Variants in CCDC85C observed in about 807,000 individuals in gnomAD.
CCDC85C encodes the protein coiled-coil domain-containing protein 85C.
A neutral mutation model predicts 38.3 loss-of-function variants in CCDC85C; 18 were observed. That is an observed-to-expected ratio of 0.47 (90% confidence interval 0.33 to 0.70). The LOEUF (loss-of-function observed/expected upper bound fraction) is 0.70, where lower values mean the gene tolerates loss of function less well. Among genes scored for constraint, CCDC85C ranks in the 30% least tolerant of loss-of-function variants. The pLI, the probability that CCDC85C is intolerant of heterozygous loss-of-function variation, is 0.03. For missense variants in CCDC85C, 566 were observed against 621.2 expected (o/e 0.91, Z 0.94); for synonymous variants, 264 against 293.8 (o/e 0.90, Z 1.04).
chr14:99,516,141 C>G lies in CCDC85C; in HGVS notation c.1170+47G>C, dbSNP rs535736730. The G allele has an allele frequency of 2.0e-4, 282 of 1,422,418 alleles. 1 individual carries two copies. The African/African-American group carries it at 3.6e-3, about 18-fold the overall frequency. The allele number at this position is 1,422,418 out of a possible 1,614,324, so 88.1% of individuals were successfully genotyped here. The stretch of plus-strand genomic sequence containing the variant: ...TATGGCCATGCTGGGTGGCCCTGGT[C>G]GCACTCCCAGTGCCAAGCCTCTGCC... On this transcript the variant is annotated intron_variant, in intron 5 of 5. Transcript: ENST00000380243. This position sits in a 1 kb window ranked among gnomAD's most constrained non-coding sequence, Gnocchi z 5.5.
Position 99,502,046 on chromosome 14 carries a change from C to A in CCDC85C, c.*13200G>T. The A allele has an allele frequency of 1.4e-6, 1 of 738,684 alleles. No homozygotes were observed. Among genetic ancestry groups the A allele is most frequent in the Non-Finnish European group, 2.0e-6 (1 of 505,630 alleles). 45.8% of individuals were successfully genotyped at this position (738,684 alleles called of 1,614,324 possible). A position where few individuals can be genotyped will look rare whatever the true frequency, so the allele number is the denominator to read the frequency against. On this transcript the variant is annotated 3_prime_UTR_variant, in exon 6 of 6. Transcript: ENST00000380243. ...ATGGTTAAAGTAACTTAGTCGGGTA[C>A]CTTTAGAAGAGTAAAGACTTGAGTT...
chr14:99,562,824 C>T (rs1898143423), intron 1 of CCDC85C, among the ~76,000 whole-genome samples: 1 of 152,106 alleles, frequency 6.6e-6, no homozygotes, highest in Non-Finnish European at 1.5e-5. Context: ...GAAACATCCA[C>T]ACACAAGTGC....
At position 99,525,072 on chromosome 14, in the gene CCDC85C, T is replaced by C. The variant is rs185071015; in HGVS notation, c.868-2832A>G. 1.8e-3 allele frequency among the ~76,000 whole-genome samples: 276 copies of C among 152,300 alleles called. 1 individual carries two copies. The highest frequency in any genetic ancestry group is 6.5e-3 in the African/African-American group (270 of 41,564). On this transcript the variant is annotated intron_variant, in intron 2 of 5. Coordinates refer to ENST00000380243, the MANE Select transcript of CCDC85C (RefSeq NM_001144995.2). ...TAGAGCCTCCAGAGGGCAGCATGAG[T>C]GTCCTGGACTAGGGAGGAAGAGACC...
At chr14:99,547,861 T>C (rs570871778) in intron 1 of CCDC85C, among the ~76,000 whole-genome samples, 27 of 151,816 alleles carry the variant, frequency 1.8e-4, no homozygotes, top group Non-Finnish European at 3.1e-4. Flanking sequence ...CATATATATA[T>C]ACACACACAT....
At chr14:99,534,903 ATGG>A in intron 2 of CCDC85C, 1 of 565,398 alleles carries the variant, frequency 1.8e-6, no homozygotes, top group Non-Finnish European at 3.2e-6. Flanking sequence ...TTGCGCCTGT[ATGG>A]TGGTGGGGAG....
chr14:99,556,642 G>A (rs1898016126), intron 1 of CCDC85C, among the ~76,000 whole-genome samples: 1 of 152,048 alleles, frequency 6.6e-6, no homozygotes, highest in South Asian at 2.1e-4. Context: ...TCCCACCTCA[G>A]CCTCTCAAAG....
At position 99,507,044 on chromosome 14, in the gene CCDC85C, G is replaced by A; in HGVS notation, c.*8202C>T. The A allele has an allele frequency of 7.9e-7, 1 of 1,264,386 alleles. No homozygotes were observed. Among genetic ancestry groups the A allele is most frequent in the Non-Finnish European group, 1.2e-6 (1 of 860,750 alleles). The allele number at this position is 1,264,386 out of a possible 1,614,324, so 78.3% of individuals were successfully genotyped here. ...CATGCTTATTCATGTGAAGAAGTAT[G>A]AGTGGTTTTCTAATCTGCTTTTTCT... On this transcript the variant is annotated 3_prime_UTR_variant, in exon 6 of 6. Coordinates refer to ENST00000380243, the MANE Select transcript of CCDC85C (RefSeq NM_001144995.2).
intron 1 of CCDC85C, among the ~76,000 whole-genome samples, chr14:99,592,398 T>C (rs1401167728): frequency 1.3e-5 from 2 of 152,134 alleles, no homozygotes; most frequent in Non-Finnish European, 2.9e-5. Context: ...TCTGGACACC[T>C]GAGCCTCAAG....
At chr14:99,592,458 G>GT (rs2055098069) in intron 1 of CCDC85C, among the ~76,000 whole-genome samples, 1 of 152,228 alleles carries the variant, frequency 6.6e-6, no homozygotes, top group African/African-American at 2.4e-5. Context: ...CCAGGGCGAT[G>GT]TTTTCCCTCT....
At chr14:99,571,192 G>C (rs1898334302) in intron 1 of CCDC85C, among the ~76,000 whole-genome samples, 1 of 152,126 alleles carries the variant, frequency 6.6e-6, no homozygotes, top group South Asian at 2.1e-4. Context: ...CAGGGATCAT[G>C]GGGGAGGGGC....
chr14:99,573,570 C>T (rs2139965706), intron 1 of CCDC85C, among the ~76,000 whole-genome samples: 1 of 152,214 alleles, frequency 6.6e-6, no homozygotes, highest in East Asian at 1.9e-4. Flanking sequence ...CAGGCAGTCA[C>T]CAGTGAGGCA....
At chr14:99,543,821 C>A (rs1897757387) in intron 1 of CCDC85C, among the ~76,000 whole-genome samples, 1 of 152,242 alleles carries the variant, frequency 6.6e-6, no homozygotes, top group African/African-American at 2.4e-5. Context: ...TGGATGAAGG[C>A]AAGAGGCCTG....
In CCDC85C at chr14:99,560,824, C is replaced by A. The variant is rs1421094083; in HGVS notation, c.794-24736G>T. Among the ~76,000 whole-genome samples, 2 of 152,242 alleles carry A rather than the reference C, an allele frequency of 1.3e-5. 1 individual carries two copies. Among genetic ancestry groups the A allele is most frequent in the South Asian group, 4.1e-4 (2 of 4,836 alleles). ...CATCAACAGCCACAGACCACCTCTGCCCGATACCAGGGCCCATGGGAGCCA... is the reference window on the plus strand; with the variant it reads ...CATCAACAGCCACAGACCACCTCTGACCGATACCAGGGCCCATGGGAGCCA... On this transcript the variant is annotated intron_variant, in intron 1 of 5. Transcript: ENST00000380243.
Position 99,603,574 on chromosome 14 carries a change from T to C in CCDC85C, c.386A>G (p.Glu129Gly). The change falls in exon 1 of 6, where the codon GAG becomes GGG. Residue 129 changes from glutamate (E) to glycine (G), a missense_variant. Coordinates refer to ENST00000380243, the MANE Select transcript of CCDC85C (RefSeq NM_001144995.2). The surrounding 1 kb of genome is among the most constrained non-coding windows in gnomAD (Gnocchi z 7.5). The stretch of plus-strand genomic sequence containing the variant: ...CAGGGCCTCCTGGCGCGCCTCGAGC[T>C]CGCGCAGCTTCTGCTGCGAGCGGGC... ...EVARSQQKLR[E>G]LEARQEALLR... The C allele has an allele frequency of 3.6e-6, 5 of 1,404,166 alleles. No individual in the cohort carries two copies. Among genetic ancestry groups the C allele is most frequent in the Non-Finnish European group, 4.6e-6 (5 of 1,084,890 alleles). The allele number at this position is 1,404,166 out of a possible 1,614,324, so 87.0% of individuals were successfully genotyped here.
Position 99,512,295 on chromosome 14 carries a change from T to C in CCDC85C, c.*2951A>G, listed in dbSNP as rs1421563965. On this transcript the variant is annotated 3_prime_UTR_variant, in exon 6 of 6. Coordinates refer to ENST00000380243, the MANE Select transcript of CCDC85C (RefSeq NM_001144995.2). ...TCACTGTGGCACCTTCTACAGAAAA[T>C]AGACGTAGCTGCCGGGCCCGGGGAC... 9 of 151,892 alleles carry C rather than the reference T, an allele frequency of 5.9e-5. No individual in the cohort carries two copies. The highest frequency in any genetic ancestry group is 1.9e-4 in the East Asian group (1 of 5,134). 9.4% of individuals were successfully genotyped at this position (151,892 alleles called of 1,614,324 possible).
At chr14:99,598,336 C>T (rs781509828) in intron 1 of CCDC85C, among the ~76,000 whole-genome samples, 14 of 152,236 alleles carry the variant, frequency 9.2e-5, no homozygotes, top group Non-Finnish European at 2.1e-4. Context: ...CGGCGGAAAA[C>T]AGATTAGGAG....
At chr14:99,522,081 A>G (rs1445925402) in intron 3 of CCDC85C, 52 bp downstream of exon 3, 2 of 1,422,578 alleles carry the variant, frequency 1.4e-6, no homozygotes, top group East Asian at 5.0e-5. Flanking sequence ...GGCCCGCCTG[A>G]GCCTCAGCCC....
intron 1 of CCDC85C, among the ~76,000 whole-genome samples, chr14:99,570,138 ATCTGT>A (rs1898306026): frequency 6.6e-6 from 1 of 151,840 alleles, no homozygotes; most frequent in Non-Finnish European, 1.5e-5. Flanking sequence ...CAGCTTTCAC[ATCTGT>A]TCTGAGTGCC....
chr14:99,568,901 C>A, intron 1 of CCDC85C, among the ~76,000 whole-genome samples: 1 of 152,226 alleles, frequency 6.6e-6, no homozygotes, highest in East Asian at 1.9e-4. Context: ...GACGCTCCAG[C>A]AGACTTCTGC....
Sources: gnomAD v4.1 joint callset for allele counts (sites outside exome capture counted in the v4.1 genomes callset) on GRCh38, gnomAD v4.1.1 for gene constraint, Gnocchi (gnomAD v3.1) non-coding constraint, MANE v1.5 for transcripts, NCBI Gene and HGNC (gene_info 2026-07-23, HGNC 2026-07-21) for gene names.